ADGRA2: variants seen among roughly 807,000 people sequenced by gnomAD.
ADGRA2 encodes adhesion G protein-coupled receptor A2.
Under a neutral mutation model 98.7 loss-of-function variants are expected in ADGRA2, and 61 were observed. The observed-to-expected ratio is 0.62, with a 90% CI of 0.50 to 0.76. The LOEUF is 0.76. Ranked by LOEUF, ADGRA2 falls within the 30% of genes least tolerant of loss-of-function variation. The pLI, the probability that ADGRA2 is intolerant of heterozygous loss-of-function variation, is 0.00. For missense variants in ADGRA2, 1,712 were observed against 1,860.0 expected (o/e 0.92, Z 1.46); for synonymous variants, 858 against 831.5 (o/e 1.03, Z -0.55).
chr8:37,807,671 C>A (rs1804716509), intron 1 of ADGRA2, among the ~76,000 whole-genome samples: 1 of 152,126 alleles, frequency 6.6e-6, no homozygotes, highest in African/African-American at 2.4e-5. Flanking sequence ...TGCCCCCTAC[C>A]AGTTCTGTGA....
chr8:37,799,720 C>T (rs1804443289), intron 1 of ADGRA2, among the ~76,000 whole-genome samples: 1 of 152,166 alleles, frequency 6.6e-6, no homozygotes. Context: ...ACTGAGCCAT[C>T]AGGCTTAGGA....
At position 37,842,013 on chromosome 8, in the gene ADGRA2, C is replaced by T. The variant is rs1216228841; in HGVS notation, c.3675C>T (p.Ser1225=). 3.9e-6 allele frequency: 6 copies of T among 1,519,278 alleles called. No homozygotes were observed. Among genetic ancestry groups the T allele is most frequent in the Non-Finnish European group, 5.3e-6 (6 of 1,140,846 alleles). The allele number at this position is 1,519,278 out of a possible 1,614,324, so 94.1% of individuals were successfully genotyped here. A position where few individuals can be genotyped will look rare whatever the true frequency, so the allele number is the denominator to read the frequency against. The change falls in exon 19 of 19, where the codon AGC becomes AGT. Residue 1225 remains serine, a synonymous_variant. Transcript: ENST00000412232. Reference sequence around the variant, plus strand: ...GCGAGAGCGGCAGTCTGCACAACAGCCCCACCGACAGCTACCTGGGCAGCA... The same window carrying T: ...GCGAGAGCGGCAGTCTGCACAACAGTCCCACCGACAGCTACCTGGGCAGCA... The part of the protein sequence containing the change: ...LSSESGSLHN[S]PTDSYLGSSR...
rs559051756 is a variant in ADGRA2, at chr8:37,813,014, T to C, written c.267-1882T>C. On this transcript the variant is annotated intron_variant, in intron 1 of 18. Transcript: ENST00000412232. The stretch of plus-strand genomic sequence containing the variant: ...CTTGTCCAACATTTAATGTAAACTC[T>C]GGGGTATAGGAAGGGCATGAACTGG... Among the ~76,000 whole-genome samples, 5 of 152,094 alleles carry C rather than the reference T, an allele frequency of 3.3e-5. No individual in the cohort carries two copies. The East Asian group carries it at 5.8e-4, about 18-fold the overall frequency.
chr8:37,824,447 G>A (rs187503632), intron 2 of ADGRA2, among the ~76,000 whole-genome samples: 29 of 148,698 alleles, frequency 2.0e-4, no homozygotes, highest in Admixed American at 1.2e-3. Context: ...CTCTCATTTT[G>A]TGGTTCTCTT....
intron 1 of ADGRA2, among the ~76,000 whole-genome samples, chr8:37,799,596 A>G (rs758649170): frequency 2.0e-5 from 3 of 152,122 alleles, no homozygotes; most frequent in African/African-American, 7.2e-5. Flanking sequence ...GTTAATTCCT[A>G]TCCACGCCAC....
Position 37,841,885 on chromosome 8 carries a change from C to T in ADGRA2, c.3547C>T (p.His1183Tyr), listed in dbSNP as rs1805809413. The part of the protein sequence containing the change: ...PNNVHHGRRA[H>Y]KSRAKGHRAG... The stretch of plus-strand genomic sequence containing the variant: ...CAACGTGCACCACGGGCGTCGGGCG[C>T]ACAAGAGCCGGGCCAAGGGACACCG... Residue 1183 changes from histidine (H) to tyrosine (Y), a missense_variant, in exon 19 of 19, where the codon CAC (histidine) becomes TAC (tyrosine). His to Tyr is a moderately conservative substitution (Grantham distance 83). Transcript: ENST00000412232. The surrounding 1 kb of genome is among the most constrained non-coding windows in gnomAD (Gnocchi z 5.0). 1.3e-6 allele frequency: 2 copies of T among 1,534,684 alleles called. No individual in the cohort carries two copies. The highest frequency in any genetic ancestry group is 1.4e-5 in the African/African-American group (1 of 72,552).
chr8:37,841,024 GGCCCCCA>G lies in ADGRA2; in HGVS notation c.2748-56_2748-50del. ...CATATCCTGTCTCCCCAACCACCCC[GGCCCCCA>G]GCCCCACCCCAGCCATGCCCCCTGT... On this transcript the variant is annotated intron_variant, in intron 18 of 18. Coordinates refer to ENST00000412232, the MANE Select transcript of ADGRA2 (RefSeq NM_032777.10). This position sits in a 1 kb window ranked among gnomAD's most constrained non-coding sequence, Gnocchi z 5.0. The G allele has an allele frequency of 1.7e-6, 1 of 575,294 alleles. No homozygotes were observed. Among genetic ancestry groups the G allele is most frequent in the Non-Finnish European group, 3.1e-6 (1 of 326,968 alleles). The allele number at this position is 575,294 out of a possible 1,614,324, so 35.6% of individuals were successfully genotyped here.
Position 37,798,333 on chromosome 8 carries a change from C to T in ADGRA2, c.266+799C>T, listed in dbSNP as rs968788239. Among the ~76,000 whole-genome samples, 6 of 152,260 alleles carry T rather than the reference C, an allele frequency of 3.9e-5. No homozygotes were observed. The East Asian group carries it at 7.7e-4, about 20-fold the overall frequency. On this transcript the variant is annotated intron_variant, in intron 1 of 18. Coordinates refer to ENST00000412232, the MANE Select transcript of ADGRA2 (RefSeq NM_032777.10). ...CGCGGCTGGGGAAGCGGGGTTCCCT[C>T]ACCGCAGCCCACCCGGGCCTCCTTC... is the stretch of plus-strand genomic sequence containing the variant.
intron 1 of ADGRA2, among the ~76,000 whole-genome samples, chr8:37,806,526 C>CTTTTTCTTTTTTTTTTT (rs756594430): frequency 5.0e-5 from 5 of 100,356 alleles, no homozygotes; most frequent in Admixed American, 2.0e-4. Context: ...TTTTCTTTTT[C>CTTTTTCTTTTTTTTTTT]TTTTTTTTTT....
At chr8:37,803,647 G>C (rs946445126) in intron 1 of ADGRA2, among the ~76,000 whole-genome samples, 1 of 152,124 alleles carries the variant, frequency 6.6e-6, no homozygotes, top group Admixed American at 6.5e-5. Context: ...GTTATGGGGG[G>C]AGGGGGCAGA....
At chr8:37,839,189 T>C in intron 15 of ADGRA2, 106 bp downstream of exon 15, 1 of 1,458,062 alleles carries the variant, frequency 6.9e-7, no homozygotes, top group South Asian at 1.1e-5. Flanking sequence ...AATTCCAGCT[T>C]TGCAATGGGG....
intron 1 of ADGRA2, among the ~76,000 whole-genome samples, chr8:37,808,506 C>T (rs1804740622): frequency 6.6e-6 from 1 of 152,112 alleles, no homozygotes; most frequent in South Asian, 2.1e-4. Flanking sequence ...CTGCTTTCCT[C>T]CCAGGGGACA....
Position 37,841,788 on chromosome 8 carries a change from G to A in ADGRA2, c.3450G>A (p.Gly1150=), listed in dbSNP as rs541669838. The A allele has an allele frequency of 1.1e-3, 1,684 of 1,532,244 alleles. 1 individual carries two copies. Among genetic ancestry groups the A allele is most frequent in the Non-Finnish European group, 1.4e-3 (1,563 of 1,143,936 alleles). 94.9% of individuals were successfully genotyped at this position (1,532,244 alleles called of 1,614,324 possible). The change falls in exon 19 of 19, where the codon GGG becomes GGA. Residue 1150 remains glycine, a synonymous_variant. Transcript: ENST00000412232. The surrounding 1 kb of genome is among the most constrained non-coding windows in gnomAD (Gnocchi z 5.0). ...CCCAGAGTCAGGTGTGCGAGGCGGG[G>A]GCGGCGGCCGGCGGGGAAGGAGAGC... ...QLAQSQVCEA[G]AAAGGEGEPE... is the part of the protein sequence containing the mutation.
At position 37,840,861 on chromosome 8, in the gene ADGRA2, T is replaced by G; in HGVS notation, c.2747+12T>G. 3.0e-6 allele frequency: 2 copies of G among 663,920 alleles called. No homozygotes were observed. The highest frequency in any genetic ancestry group is 4.5e-6 in the Non-Finnish European group (2 of 443,706). 41.1% of individuals were successfully genotyped at this position (663,920 alleles called of 1,614,324 possible). Reference sequence around the variant, plus strand: ...GACCACAGCCCCTAGTGAGCACCCCTCCCTCCCGCCCCAAGCCTACCTACC... The same window carrying G: ...GACCACAGCCCCTAGTGAGCACCCCGCCCTCCCGCCCCAAGCCTACCTACC... On this transcript the variant is annotated intron_variant, in intron 18 of 18. Transcript: ENST00000412232.
chr8:37,841,229 G>C lies in ADGRA2; in HGVS notation c.2891G>C (p.Arg964Thr). 2 of 1,613,576 alleles carry C rather than the reference G, an allele frequency of 1.2e-6. No individual in the cohort carries two copies. Among genetic ancestry groups the C allele is most frequent in the Middle Eastern group, 1.7e-4 (1 of 6,060 alleles). Residue 964 changes from arginine (R) to threonine (T), a missense_variant, in exon 19 of 19, where the codon AGG becomes ACG. Transcript: ENST00000412232. This position sits in a 1 kb window ranked among gnomAD's most constrained non-coding sequence, Gnocchi z 5.0. ...CAGAACCCCAAGGCGGGCAACAGCA[G>C]GGCCTCCCTGGAGGCAGGGGAGGAG... ...LAQNPKAGNS[R>T]ASLEAGEELR...
intron 13 of ADGRA2, among the ~76,000 whole-genome samples, chr8:37,836,195 G>A (rs1356216695): frequency 6.6e-6 from 1 of 152,022 alleles, no homozygotes; most frequent in Non-Finnish European, 1.5e-5. Context: ...CTAGGCCATA[G>A]TCCCTGCTCC....
Position 37,842,262 on chromosome 8 carries a change from G to C in ADGRA2, c.3924G>C (p.Gly1308=), listed in dbSNP as rs769002860. ...CCAGCCTAAACGGCGCCCCCAAGGG[G>C]GGCAAGTACGACGACGTCACCCTGA... ...NAASLNGAPK[G]GKYDDVTLMG... is the part of the protein sequence containing the mutation. The change falls in exon 19 of 19, where the codon GGG becomes GGC. Residue 1308 remains glycine (G), a synonymous_variant. Coordinates refer to ENST00000412232, the MANE Select transcript of ADGRA2 (RefSeq NM_032777.10). 6.4e-7 allele frequency: 1 copy of C among 1,566,558 alleles called. No homozygotes were observed. The highest frequency in any genetic ancestry group is 8.6e-7 in the Non-Finnish European group (1 of 1,157,722).
At chr8:37,840,712 C>T (rs1267394526) in intron 17 of ADGRA2, 48 bp from the exon 18 acceptor site, 2 of 956,302 alleles carry the variant, frequency 2.1e-6, no homozygotes, top group Non-Finnish European at 3.4e-6. Context: ...CCAGTTCTTC[C>T]CTTCCCTTTC....
At chr8:37,836,037 CAA>C (rs1491232806) in intron 13 of ADGRA2, among the ~76,000 whole-genome samples, 2 of 102,452 alleles carry the variant, frequency 2.0e-5, no homozygotes, top group East Asian at 6.3e-4. Context: ...TAGCCCCCTC[CAA>C]CACACACACA....
Sources: allele counts gnomAD v4.1 joint callset (sites outside exome capture counted in the v4.1 genomes callset), GRCh38; gene constraint gnomAD v4.1.1; non-coding constraint Gnocchi (gnomAD v3.1); transcripts MANE v1.5; gene names NCBI Gene and HGNC (gene_info 2026-07-23, HGNC 2026-07-21).